The following SIPA1L2 variants were observed in gnomAD, a reference collection of about 807,000 sequenced individuals.
The protein encoded by SIPA1L2 is signal induced proliferation associated 1 like 2.
SIPA1L2 carries 56 observed loss-of-function variants against 163.9 expected under a neutral mutation model. That is an observed-to-expected ratio of 0.34 (90% CI 0.28 to 0.43). SIPA1L2 has a LOEUF of 0.43. SIPA1L2 is among the 20% of genes least tolerant of loss of function. SIPA1L2 has a pLI of 1.00. For synonymous variants in SIPA1L2, 877 were observed against 865.7 expected (o/e 1.01, Z -0.23); for missense variants, 1,974 against 2,193.5 (o/e 0.90, Z 2.00).
chr1:232,506,366 A>G (rs1216047153), intron 3 of SIPA1L2, among the ~76,000 whole-genome samples: 1 of 152,202 alleles, frequency 6.6e-6, no homozygotes, highest in African/African-American at 2.4e-5. Context: ...ACTAGGGCAC[A>G]AAGTAGTTCA....
chr1:232,415,543 G>A lies in SIPA1L2; in HGVS notation c.4713C>T (p.Ala1571=). 6.2e-7 allele frequency: 1 copy of A among 1,613,870 alleles called. No homozygotes were observed. The highest frequency in any genetic ancestry group is 8.5e-7 in the Non-Finnish European group (1 of 1,179,900). The change falls in exon 19 of 23, where the codon GCC becomes GCT. Residue 1571 remains alanine (A), a synonymous_variant. Coordinates refer to ENST00000674635, the MANE Select transcript of SIPA1L2 (RefSeq NM_020808.5). ...CGAGGTGGGTCCAATCTAACCCTGT[G>A]GCTGTGTCCGGGAGGGGCATCAGGC... is the stretch of plus-strand genomic sequence containing the variant. The part of the protein sequence containing the change: ...DPGLMPLPDT[A]TGLDWTHLVD...
intron 13 of SIPA1L2, 77 bp downstream of exon 13, chr1:232,441,691 G>GA: frequency 8.3e-7 from 1 of 1,206,746 alleles, no homozygotes; most frequent in South Asian, 1.3e-5. Flanking sequence ...TGAATAAAAT[G>GA]AAGTGATGGG....
chr1:232,601,039 G>T (rs992543111), intron 1 of SIPA1L2, among the ~76,000 whole-genome samples: 1 of 152,144 alleles, frequency 6.6e-6, no homozygotes, highest in East Asian at 1.9e-4. Flanking sequence ...GCAAGAGCAG[G>T]CACCAACAAC....
chr1:232,481,715 G>C (rs1050143086), intron 6 of SIPA1L2, among the ~76,000 whole-genome samples: 8 of 152,222 alleles, frequency 5.3e-5, no homozygotes, highest in African/African-American at 1.9e-4. Context: ...TTCATGGCTG[G>C]GATTCTGTAC....
At chr1:232,602,154 G>A (rs1370798174) in intron 1 of SIPA1L2, among the ~76,000 whole-genome samples, 1 of 152,152 alleles carries the variant, frequency 6.6e-6, no homozygotes, top group East Asian at 1.9e-4. Context: ...CAAGCAACAA[G>A]AAGAGCTTGT....
At chr1:232,619,627 C>T (rs997650123) in intron 1 of SIPA1L2, among the ~76,000 whole-genome samples, 1 of 152,192 alleles carries the variant, frequency 6.6e-6, no homozygotes, top group African/African-American at 2.4e-5. Context: ...CTACCCAGGA[C>T]GGGATGGAAG....
intron 2 of SIPA1L2, among the ~76,000 whole-genome samples, chr1:232,563,956 CGTGTGTGTGT>C (rs34854572): frequency 0.013 from 949 of 72,184 alleles, 29 homozygotes; most frequent in African/African-American, 0.067. Context: ...TTTTTTTTTT[CGTGTGTGTGT>C]GTGTGTGTGT....
At chr1:232,399,339 G>A in intron 22 of SIPA1L2, 66 bp from the exon 23 acceptor site, 1 of 1,530,350 alleles carries the variant, frequency 6.5e-7, no homozygotes, top group Non-Finnish European at 8.9e-7. Context: ...CCTAAGCTGG[G>A]CTACGAGAAT....
chr1:232,505,121 G>C (rs1242801918), intron 3 of SIPA1L2, among the ~76,000 whole-genome samples: 2 of 152,174 alleles, frequency 1.3e-5, no homozygotes, highest in African/African-American at 4.8e-5. Flanking sequence ...ATTATTAAAG[G>C]CTTCTTTTCA....
intron 2 of SIPA1L2, among the ~76,000 whole-genome samples, chr1:232,565,743 T>C (rs1659365923): frequency 1.3e-5 from 2 of 152,306 alleles, no homozygotes; most frequent in South Asian, 4.1e-4. Flanking sequence ...ACAAACAAAC[T>C]TTTAAACTGG....
intron 2 of SIPA1L2, among the ~76,000 whole-genome samples, chr1:232,545,081 C>T (rs573404056): frequency 6.6e-5 from 10 of 152,140 alleles, no homozygotes; most frequent in African/African-American, 2.4e-4. Flanking sequence ...GAGGAGCCAA[C>T]CTCATACTAA....
At chr1:232,578,521 G>A (rs1660200547) in intron 1 of SIPA1L2, among the ~76,000 whole-genome samples, 1 of 152,134 alleles carries the variant, frequency 6.6e-6, no homozygotes, top group South Asian at 2.1e-4. Flanking sequence ...CTCTAAGGAA[G>A]CTTTCTACTC....
intron 5 of SIPA1L2, among the ~76,000 whole-genome samples, chr1:232,485,470 T>C (rs940112560): frequency 6.6e-6 from 1 of 152,208 alleles, no homozygotes; most frequent in African/African-American, 2.4e-5. Flanking sequence ...ATGTTTCTGA[T>C]CAACTCAATT....
chr1:232,613,147 G>GT (rs1293969265), intron 1 of SIPA1L2, among the ~76,000 whole-genome samples: 15 of 152,132 alleles, frequency 9.9e-5, no homozygotes, highest in Non-Finnish European at 1.6e-4. Context: ...ATGTGAAACT[G>GT]TAAGTCCAAT....
intron 11 of SIPA1L2, among the ~76,000 whole-genome samples, chr1:232,445,018 T>G (rs1663127381): frequency 6.6e-6 from 1 of 152,218 alleles, no homozygotes. Flanking sequence ...GGATTTAACT[T>G]TTAAACAAGT....
chr1:232,519,162 C>T (rs571110799), intron 2 of SIPA1L2, among the ~76,000 whole-genome samples: 1 of 152,318 alleles, frequency 6.6e-6, no homozygotes, highest in Admixed American at 6.5e-5. Flanking sequence ...CCCCCACTTC[C>T]ATACCAGCCA....
intron 8 of SIPA1L2, among the ~76,000 whole-genome samples, chr1:232,467,610 G>A (rs992646957): frequency 6.6e-6 from 1 of 152,158 alleles, no homozygotes; most frequent in African/African-American, 2.4e-5. Context: ...ACTGCAACCT[G>A]CCCTGCAAAT....
In SIPA1L2 at chr1:232,458,420, G is replaced by A. The variant is rs151007496; in HGVS notation, c.3095+2467C>T. Reference sequence around the variant, plus strand: ...TAGCTGAAAAACAATTCAATATTTCGTAGAAAATTCTATCCTCCTAAATTG... The same window carrying A: ...TAGCTGAAAAACAATTCAATATTTCATAGAAAATTCTATCCTCCTAAATTG... On this transcript the variant is annotated intron_variant, in intron 10 of 22. Transcript: ENST00000674635. 2.3e-3 allele frequency among the ~76,000 whole-genome samples: 349 copies of A among 152,214 alleles called. 2 individuals are homozygous for A. The Middle Eastern group carries it at 0.024, about 10-fold the overall frequency.
intron 1 of SIPA1L2, among the ~76,000 whole-genome samples, chr1:232,609,933 CTGT>C (rs1662158587): frequency 6.6e-6 from 1 of 151,868 alleles, no homozygotes; most frequent in Non-Finnish European, 1.5e-5. Context: ...TGTTCAAAAT[CTGT>C]TATTAGCATT....
Sources: allele counts gnomAD v4.1 joint callset (sites outside exome capture counted in the v4.1 genomes callset), GRCh38; gene constraint gnomAD v4.1.1; transcripts MANE v1.5; gene names NCBI Gene and HGNC (gene_info 2026-07-23, HGNC 2026-07-21).